The following DCC variants were observed in gnomAD, a reference collection of about 807,000 sequenced individuals.
DCC encodes netrin receptor DCC.
Under a neutral mutation model 172.5 loss-of-function variants are expected in DCC, and 58 were observed. That is an observed-to-expected ratio of 0.34 (90% CI 0.27 to 0.42). The LOEUF (loss-of-function observed/expected upper bound fraction) is 0.42, where lower values mean the gene tolerates loss of function less well. Among genes scored for constraint, DCC ranks in the 10% least tolerant of loss-of-function variants. DCC has a pLI of 1.00. For synonymous variants in DCC, 709 were observed against 644.5 expected, an observed-to-expected ratio of 1.10 and a Z score of -1.52; for missense variants, 1,740 against 1,791.0, an observed-to-expected ratio of 0.97 and a Z score of 0.51.
chr18:52,495,838 T>A (rs2030725065), intron 1 of DCC, among the ~76,000 whole-genome samples: 1 of 151,856 alleles, frequency 6.6e-6, no homozygotes, highest in East Asian at 1.9e-4. Flanking sequence ...CAGCTAAGAA[T>A]GGTGGCTTTG....
chr18:53,140,377 G>A (rs2043812459), intron 7 of DCC, among the ~76,000 whole-genome samples: 1 of 152,132 alleles, frequency 6.6e-6, no homozygotes, highest in African/African-American at 2.4e-5. Flanking sequence ...CCATATTTTA[G>A]GATGATGTTT....
intron 5 of DCC, among the ~76,000 whole-genome samples, chr18:52,960,355 G>A (rs922118706): frequency 6.6e-6 from 1 of 152,020 alleles, no homozygotes; most frequent in Non-Finnish European, 1.5e-5. Flanking sequence ...GCAGAAATCA[G>A]GTTAGACTTT....
At chr18:52,513,121 G>C (rs2144651161) in intron 1 of DCC, among the ~76,000 whole-genome samples, 1 of 152,308 alleles carries the variant, frequency 6.6e-6, no homozygotes, top group East Asian at 1.9e-4. Flanking sequence ...AACCAGTGAA[G>C]AGTCTATTAT....
Position 53,486,860 on chromosome 18 carries a change from C to A in DCC, c.3800C>A (p.Ser1267Tyr). ...GCCCAGTACCCAGGAATCCTCCCGT[C>A]TCCCACCTGTGGATATCCCCACCCG... ...ESAQYPGILP[S>Y]PTCGYPHPQF... The change falls in exon 26 of 29, where the codon TCT becomes TAT. Residue 1267 changes from serine (S) to tyrosine (Y), a missense_variant. Around this residue, in one of 2 missense-constraint regions of DCC, gnomAD observed 1,732 missense variants for 1,767.4 expected, o/e 0.98. Transcript: ENST00000442544. 1.9e-6 allele frequency: 3 copies of A among 1,614,194 alleles called. No homozygotes were observed. Among genetic ancestry groups the A allele is most frequent in the Non-Finnish European group, 2.5e-6 (3 of 1,180,034 alleles).
intron 1 of DCC, among the ~76,000 whole-genome samples, chr18:52,353,496 G>A (rs1334964052): frequency 1.3e-5 from 2 of 152,308 alleles, no homozygotes; most frequent in African/African-American, 4.8e-5. Context: ...AGACCCTGAC[G>A]GGGGCTACCC....
chr18:52,435,766 G>A lies in DCC; in HGVS notation c.91+94888G>A, dbSNP rs534882751. 3.9e-5 allele frequency among the ~76,000 whole-genome samples: 6 copies of A among 152,278 alleles called. No individual in the cohort carries two copies. The South Asian group carries it at 8.3e-4, about 21-fold the overall frequency. On this transcript the variant is annotated intron_variant, in intron 1 of 28. Transcript: ENST00000442544. ...AGAGGCACATCAGTCTCGCTGCCCC[G>A]TGTTGGGGCAGGAAACTCCATTATA...
chr18:52,477,567 C>T (rs951623380), intron 1 of DCC, among the ~76,000 whole-genome samples: 19 of 152,074 alleles, frequency 1.2e-4, no homozygotes, highest in Admixed American at 6.6e-4. Context: ...AGAAATTTTC[C>T]CAAACCATAG....
intron 15 of DCC, among the ~76,000 whole-genome samples, chr18:53,378,935 C>T (rs796174145): frequency 4.6e-5 from 7 of 152,234 alleles, no homozygotes; most frequent in African/African-American, 4.8e-5. Flanking sequence ...CTATTAATTA[C>T]GTTTATAAAG....
At chr18:53,257,405 G>A (rs2056533935) in intron 12 of DCC, among the ~76,000 whole-genome samples, 1 of 152,176 alleles carries the variant, frequency 6.6e-6, no homozygotes, top group South Asian at 2.1e-4. Flanking sequence ...CTAATTTATT[G>A]AGAATTTTTA....
intron 12 of DCC, among the ~76,000 whole-genome samples, chr18:53,273,860 G>C (rs1190967239): frequency 6.6e-6 from 1 of 151,870 alleles, no homozygotes; most frequent in Non-Finnish European, 1.5e-5. Context: ...TGTGACCCTG[G>C]CACATCTGTG....
At chr18:53,144,640 G>C (rs2043878972) in intron 7 of DCC, among the ~76,000 whole-genome samples, 1 of 152,148 alleles carries the variant, frequency 6.6e-6, no homozygotes, top group African/African-American at 2.4e-5. Flanking sequence ...TCAAGATGAG[G>C]TTTGGGTGGG....
At chr18:52,691,120 G>A (rs2035923607) in intron 1 of DCC, among the ~76,000 whole-genome samples, 1 of 152,180 alleles carries the variant, frequency 6.6e-6, no homozygotes, top group Non-Finnish European at 1.5e-5. Flanking sequence ...GCAGATATTT[G>A]AGGGAAGCTC....
At chr18:53,088,178 A>G (rs967267809) in intron 7 of DCC, among the ~76,000 whole-genome samples, 7 of 152,190 alleles carry the variant, frequency 4.6e-5, no homozygotes, top group African/African-American at 9.6e-5. Flanking sequence ...CATTGAATCT[A>G]TAAATTTCCT....
At chr18:52,391,088 G>C (rs1986014410) in intron 1 of DCC, among the ~76,000 whole-genome samples, 2 of 151,742 alleles carry the variant, frequency 1.3e-5, no homozygotes, top group Non-Finnish European at 2.9e-5. Context: ...GCTGTCATCT[G>C]GTTCTTAAAC....
chr18:52,963,897 T>C (rs2040886443), intron 5 of DCC, among the ~76,000 whole-genome samples: 3 of 151,952 alleles, frequency 2.0e-5, no homozygotes, highest in Admixed American at 1.3e-4. Context: ...TTTGTAAGAA[T>C]TGGTAAGTTC....
intron 12 of DCC, among the ~76,000 whole-genome samples, chr18:53,268,300 T>C (rs1184751195): frequency 1.3e-5 from 2 of 152,206 alleles, no homozygotes; most frequent in Non-Finnish European, 2.9e-5. Flanking sequence ...TTACACATAC[T>C]TATGTAAATA....
In DCC at chr18:53,507,680, T is replaced by C. The variant is rs568332860; in HGVS notation, c.4111+8170T>C. Among the ~76,000 whole-genome samples, 81 of 152,320 alleles carry C rather than the reference T, an allele frequency of 5.3e-4. No individual in the cohort carries two copies. In the South Asian group the frequency reaches 0.015, roughly 27 times the overall value. On this transcript the variant is annotated intron_variant, in intron 27 of 28. Transcript: ENST00000442544. ...AACAATGATAAGTAAGCCCTATTCATGAAACCGTATGCCTCTCATTTTGAA... is the reference window on the plus strand; with the variant it reads ...AACAATGATAAGTAAGCCCTATTCACGAAACCGTATGCCTCTCATTTTGAA...
chr18:52,458,320 A>T (rs990129756), intron 1 of DCC, among the ~76,000 whole-genome samples: 1 of 152,032 alleles, frequency 6.6e-6, no homozygotes, highest in Non-Finnish European at 1.5e-5. Context: ...AGGGTCACTG[A>T]CCACATGTCT....
intron 1 of DCC, among the ~76,000 whole-genome samples, chr18:52,573,266 A>G (rs1055667863): frequency 2.0e-5 from 3 of 152,174 alleles, no homozygotes; most frequent in Admixed American, 6.5e-5. Context: ...AAATAAATGC[A>G]TATGCTATAT....
Sources: allele counts gnomAD v4.1 joint callset (sites outside exome capture counted in the v4.1 genomes callset), GRCh38; gene constraint gnomAD v4.1.1; regional missense constraint gnomAD v4.1.1; transcripts MANE v1.5; gene names NCBI Gene and HGNC (gene_info 2026-07-23, HGNC 2026-07-21).